Variants in SAMSN1 observed in about 807,000 individuals in gnomAD.
The protein encoded by SAMSN1 is SAM domain, SH3 domain and nuclear localization signals 1, also known as SAM domain-containing protein SAMSN-1.
SAMSN1 carries 31 observed loss-of-function variants against 42.0 expected under a neutral mutation model. That is an observed-to-expected ratio of 0.74 (90% CI 0.55 to 1.00). SAMSN1 has a LOEUF of 1.00. Ranked by LOEUF, SAMSN1 falls within the 50% of genes least tolerant of loss-of-function variation. The pLI, the probability that SAMSN1 is intolerant of heterozygous loss-of-function variation, is 0.00. For synonymous variants in SAMSN1, 178 were observed against 151.9 expected, an observed-to-expected ratio of 1.17 and a Z score of -1.26; for missense variants, 464 against 439.4, an observed-to-expected ratio of 1.06 and a Z score of -0.50.
chr21:14,587,208 T>A (rs1006223102), upstream of SAMSN1, among the ~76,000 whole-genome samples: 1 of 152,216 alleles, frequency 6.6e-6, no homozygotes, highest in Non-Finnish European at 1.5e-5. Context: ...CTTTTTCTAT[T>A]CTTCTTTGAT....
At chr21:14,645,088 C>T (rs1983687729) in intron 1 of SAMSN1, among the ~76,000 whole-genome samples, 1 of 152,214 alleles carries the variant, frequency 6.6e-6, no homozygotes, top group Non-Finnish European at 1.5e-5. Context: ...TGGGGGCCTT[C>T]AGTGCCCTGA....
chr21:14,513,936 T>C (rs1386681387), intron 3 of SAMSN1, among the ~76,000 whole-genome samples: 3 of 152,188 alleles, frequency 2.0e-5, no homozygotes, highest in African/African-American at 7.2e-5. Flanking sequence ...TTATAGACCA[T>C]GTGTGGTGGC....
At chr21:14,643,015 T>C (rs1983631415) in exon 2 of SAMSN1, 2 of 717,086 alleles carry the variant, frequency 2.8e-6, no homozygotes, top group Non-Finnish European at 5.2e-6. Flanking sequence ...GAAGAGATTG[T>C]TTGGTGTTTG....
At chr21:14,525,347 G>A (rs1470485713) in intron 1 of SAMSN1, among the ~76,000 whole-genome samples, 1 of 152,140 alleles carries the variant, frequency 6.6e-6, no homozygotes, top group African/African-American at 2.4e-5. Flanking sequence ...AGAAGAGCAT[G>A]TTAAATGTTA....
intron 2 of SAMSN1, among the ~76,000 whole-genome samples, chr21:14,618,580 C>A (rs1203157155): frequency 1.3e-5 from 2 of 151,852 alleles, no homozygotes. Flanking sequence ...GAGTTCACAC[C>A]CTGGGTACTT....
chr21:14,627,107 T>C (rs1048240737), intron 2 of SAMSN1, among the ~76,000 whole-genome samples: 1 of 151,896 alleles, frequency 6.6e-6, no homozygotes, highest in Non-Finnish European at 1.5e-5. Flanking sequence ...GTGAGGAACA[T>C]CACACACTGG....
At chr21:14,513,575 C>T (rs1987782321) in intron 3 of SAMSN1, among the ~76,000 whole-genome samples, 1 of 151,986 alleles carries the variant, frequency 6.6e-6, no homozygotes. Context: ...CACAATAAGA[C>T]AATTTCAGAG....
chr21:14,566,307 A>C (rs1981113931), intron 2 of SAMSN1, among the ~76,000 whole-genome samples: 1 of 152,164 alleles, frequency 6.6e-6, no homozygotes, highest in Admixed American at 6.5e-5. Flanking sequence ...CAATTTCAAA[A>C]AGCCTTTTAA....
intron 2 of SAMSN1, among the ~76,000 whole-genome samples, chr21:14,554,698 CTTTTTTT>C (rs34880996): frequency 3.1e-5 from 4 of 130,536 alleles, no homozygotes; most frequent in Non-Finnish European, 4.8e-5. Flanking sequence ...TTTTCTTTTT[CTTTTTTT>C]TTTTTTTTTT....
chr21:14,656,466 A>G (rs1386734392), intron 1 of SAMSN1, among the ~76,000 whole-genome samples: 1 of 151,884 alleles, frequency 6.6e-6, no homozygotes, highest in African/African-American at 2.4e-5. Flanking sequence ...CTCATGGGTT[A>G]CAAAGACATG....
chr21:14,567,540 G>A (rs1225667859), intron 2 of SAMSN1, among the ~76,000 whole-genome samples: 4 of 152,098 alleles, frequency 2.6e-5, no homozygotes, highest in Non-Finnish European at 5.9e-5. Context: ...AGCCCAGTCG[G>A]TTGGAAAGCA....
chr21:14,499,881 G>A (rs1987073131), intron 6 of SAMSN1, among the ~76,000 whole-genome samples: 1 of 152,184 alleles, frequency 6.6e-6, no homozygotes, highest in South Asian at 2.1e-4. Flanking sequence ...AAGTGCTGCT[G>A]AGTTAATTTT....
At chr21:14,629,573 T>C (rs563214466) in intron 2 of SAMSN1, among the ~76,000 whole-genome samples, 11 of 152,272 alleles carry the variant, frequency 7.2e-5, no homozygotes, top group African/African-American at 2.4e-4. Flanking sequence ...AACAACCCCA[T>C]ACAGCTAGTG....
upstream of SAMSN1, chr21:14,658,846 C>T: frequency 1.4e-6 from 1 of 712,342 alleles, no homozygotes; most frequent in Non-Finnish European, 2.6e-6. Context: ...CTTGCCTTCA[C>T]AGCTGTTTGG....
At chr21:14,516,844 A>G (rs2123013717) in intron 3 of SAMSN1, 48 bp downstream of exon 3, 1 of 1,497,728 alleles carries the variant, frequency 6.7e-7, no homozygotes, top group Non-Finnish European at 9.1e-7. Context: ...TGAATAGTTT[A>G]AGAAAGTTTT....
Position 14,487,033 on chromosome 21 carries a change from T to G in SAMSN1, c.920-919A>C, listed in dbSNP as rs1986465497. Among the ~76,000 whole-genome samples, 5 of 152,320 alleles carry G rather than the reference T, an allele frequency of 3.3e-5. No homozygotes were observed. In the South Asian group the frequency reaches 1.0e-3, roughly 32 times the overall value. ...GTTTCTGCATCCTGAGCTGAGCTCC[T>G]CAGAGAAGAAATAGATCTCAGGTAC... On this transcript the variant is annotated intron_variant, in intron 7 of 7. Transcript: ENST00000400566.
chr21:14,564,061 A>G (rs1206014063), intron 2 of SAMSN1, among the ~76,000 whole-genome samples: 2 of 152,166 alleles, frequency 1.3e-5, no homozygotes, highest in Non-Finnish European at 2.9e-5. Context: ...TATGTCTAGC[A>G]TTGGTAAATA....
upstream of SAMSN1, among the ~76,000 whole-genome samples, chr21:14,548,286 G>T (rs1323979801): frequency 6.6e-6 from 1 of 152,126 alleles, no homozygotes; most frequent in Non-Finnish European, 1.5e-5. Context: ...ATACTTATTA[G>T]ATGATTCATC....
Position 14,644,852 on chromosome 21 carries a change from G to A in SAMSN1, c.25-1719C>T, listed in dbSNP as rs78304953. On this transcript the variant is annotated intron_variant, in intron 1 of 15. Coordinates refer to the SAMSN1 transcript ENST00000647101. ...ACAAAAAGCTGACTTAAGAGACCTT[G>A]GGCCTTAAGAGAGCATCTGTGGTAG... Among the ~76,000 whole-genome samples the A allele has an allele frequency of 3.1e-3, 476 of 152,212 alleles. 4 individuals are homozygous for A. The highest frequency in any genetic ancestry group is 0.011 in the African/African-American group (455 of 41,538).
Sources: allele counts gnomAD v4.1 joint callset (sites outside exome capture counted in the v4.1 genomes callset), GRCh38; gene constraint gnomAD v4.1.1; transcripts MANE v1.5; gene names NCBI Gene and HGNC (gene_info 2026-07-23, HGNC 2026-07-21).